COG7: variants seen among roughly 807,000 people sequenced by gnomAD.
COG7 encodes the protein conserved oligomeric Golgi complex subunit 7.
A neutral mutation model predicts 91.5 loss-of-function variants in COG7; 49 were observed. The ratio of observed to expected loss-of-function variants is 0.54; its 90% confidence interval spans 0.43 to 0.68. The LOEUF (loss-of-function observed/expected upper bound fraction) is 0.68. Ranked by LOEUF, COG7 falls within the 30% of genes least tolerant of loss-of-function variation. The pLI is 0.00. For synonymous variants in COG7, 365 were observed against 388.7 expected (o/e 0.94, Z 0.72); for missense variants, 895 against 961.3 (o/e 0.93, Z 0.91).
Position 23,445,150 on chromosome 16 carries a change from A to C in COG7, c.333T>G (p.Ile111Met). ...TSQSMQVLVE[I>M]DQVKSRMQLA... ...GTTGCATTCTGGACTTCACTTGGTC[A>C]ATTTCTACCAACACCTGAAAGAGGC... Residue 111 changes from isoleucine to methionine, a missense_variant, in exon 3 of 17, where the codon ATT becomes ATG. Physicochemically the swap from Ile to Met is conservative, Grantham distance 10. Transcript: ENST00000307149. 6.2e-7 allele frequency: 1 copy of C among 1,613,730 alleles called. No homozygotes were observed. The highest frequency in any genetic ancestry group is 8.5e-7 in the Non-Finnish European group (1 of 1,179,688).
chr16:23,434,753 G>GAAAGGCTGGTAA, intron 4 of COG7, 35 bp from the exon 5 acceptor site: 3 of 1,469,470 alleles, frequency 2.0e-6, no homozygotes, highest in Non-Finnish European at 2.9e-6. Flanking sequence ...ACTGTTACCA[G>GAAAGGCTGGTAA]CCTTTCTGGT....
chr16:23,420,373 A>G (rs901809137), intron 7 of COG7, among the ~76,000 whole-genome samples: 4 of 152,164 alleles, frequency 2.6e-5, no homozygotes, highest in African/African-American at 9.7e-5. Context: ...GGATTAGTAA[A>G]TGTAATAGCC....
intron 12 of COG7, 21 bp downstream of exon 12, chr16:23,406,055 G>T (rs1377513516): frequency 6.2e-7 from 1 of 1,606,332 alleles, no homozygotes; most frequent in African/African-American, 1.3e-5. Flanking sequence ...TTGCAAGAAT[G>T]CCATTCATTT....
intron 10 of COG7, among the ~76,000 whole-genome samples, chr16:23,411,266 T>C (rs987746377): frequency 1.3e-5 from 2 of 152,184 alleles, no homozygotes; most frequent in African/African-American, 2.4e-5. Flanking sequence ...ACCAAACTCA[T>C]AATGTCAGGA....
intron 1 of COG7, among the ~76,000 whole-genome samples, chr16:23,451,614 G>A (rs1409427878): frequency 6.6e-6 from 1 of 151,350 alleles, no homozygotes; most frequent in Non-Finnish European, 1.5e-5. Flanking sequence ...CAGTTACTTG[G>A]GAGGCTGAGG....
chr16:23,439,030 C>T (rs1031467825), intron 4 of COG7, among the ~76,000 whole-genome samples: 4 of 151,592 alleles, frequency 2.6e-5, no homozygotes, highest in Non-Finnish European at 5.9e-5. Flanking sequence ...TGGTGGTGCG[C>T]ACCTTTAATC....
chr16:23,389,502 C>A (rs1963154682), intron 16 of COG7, among the ~76,000 whole-genome samples: 1 of 152,268 alleles, frequency 6.6e-6, no homozygotes, highest in South Asian at 2.1e-4. Context: ...CAGCACCAGT[C>A]TGAAGGACCA....
intron 11 of COG7, among the ~76,000 whole-genome samples, chr16:23,408,465 G>C (rs1351871753): frequency 6.8e-6 from 1 of 147,222 alleles, no homozygotes; most frequent in East Asian, 2.0e-4. Flanking sequence ...GGGGAGGTGG[G>C]GCAGGAGGTA....
Position 23,417,109 on chromosome 16 carries a change from C to T in COG7, c.1150G>A (p.Val384Met). 6.2e-7 allele frequency: 1 copy of T among 1,614,276 alleles called. No homozygotes were observed. ...CTCAGCTCCTGCACACAGTCAATCA[C>T]TTCCCCATGCTCCTGGTCAGCAAAT... ...MSAVPLEHGE[V>M]IDCVQELSHS... Residue 384 changes from valine to methionine, a missense_variant, in exon 9 of 17, where the codon GTG becomes ATG. Coordinates refer to ENST00000307149, the MANE Select transcript of COG7 (RefSeq NM_153603.4).
At chr16:23,411,593 C>T (rs868108373) in intron 10 of COG7, among the ~76,000 whole-genome samples, 2 of 152,140 alleles carry the variant, frequency 1.3e-5, no homozygotes, top group Non-Finnish European at 2.9e-5. Flanking sequence ...TGGTTTGCTG[C>T]ACCTATCAAC....
At chr16:23,442,400 T>A in intron 4 of COG7, 77 bp downstream of exon 4, 2 of 1,289,938 alleles carry the variant, frequency 1.6e-6, no homozygotes, top group African/African-American at 2.9e-5. Context: ...CATTAAGACA[T>A]TCTAAAAACT....
Position 23,393,288 on chromosome 16 carries a change from G to A in COG7, c.1947C>T (p.Asp649=), listed in dbSNP as rs765301112. 11 of 1,614,072 alleles carry A rather than the reference G, an allele frequency of 6.8e-6. No individual in the cohort carries two copies. Among genetic ancestry groups the A allele is most frequent in the Non-Finnish European group, 7.6e-6 (9 of 1,180,048 alleles). Residue 649 remains aspartate (D), a synonymous_variant, in exon 15 of 17, where the codon GAC becomes GAT. Transcript: ENST00000307149. ...LNLEPFVTQE[D]SALELALHAG... The stretch of plus-strand genomic sequence containing the variant: ...CGTGCAATGCCAACTCTAAGGCAGA[G>A]TCCTCCTGAGTCACAAATGGCTCAA...
Position 23,425,306 on chromosome 16 carries a change from T to C in COG7, c.811-359A>G, listed in dbSNP as rs1284819582. Among the ~76,000 whole-genome samples the C allele has an allele frequency of 2.6e-5, 4 of 152,110 alleles. No individual in the cohort carries two copies. In the East Asian group the frequency reaches 5.9e-4, roughly 22 times the overall value. ...GCCTGGGTGACAGAGCGAGACTCTG[T>C]CTCAAAAAAATAAAAATTAAAATTA... is the stretch of plus-strand genomic sequence containing the variant. On this transcript the variant is annotated intron_variant, in intron 6 of 16. Coordinates refer to ENST00000307149, the MANE Select transcript of COG7 (RefSeq NM_153603.4).
intron 6 of COG7, among the ~76,000 whole-genome samples, chr16:23,425,696 T>C (rs574773580): frequency 6.6e-6 from 1 of 152,242 alleles, no homozygotes; most frequent in East Asian, 1.9e-4. Context: ...GGATCTCCCC[T>C]GATAGATGAA....
At chr16:23,389,364 TGCACACACAC>T (rs1963150634) in intron 16 of COG7, among the ~76,000 whole-genome samples, 3 of 151,694 alleles carry the variant, frequency 2.0e-5, no homozygotes, top group Non-Finnish European at 4.4e-5. Flanking sequence ...CACACTCACA[TGCACACACAC>T]GCACACACAC....
At chr16:23,446,495 A>C (rs1325016817) in intron 1 of COG7, 1 of 137,076 alleles carries the variant, frequency 7.3e-6, no homozygotes, top group Non-Finnish European at 1.4e-5. Context: ...TCTGTCACCC[A>C]GGCTGGAGTG....
intron 3 of COG7, among the ~76,000 whole-genome samples, chr16:23,444,369 T>A (rs1567348074): frequency 6.6e-6 from 1 of 151,962 alleles, no homozygotes; most frequent in Non-Finnish European, 1.5e-5. Flanking sequence ...AATGTTACTA[T>A]TTTCCACACT....
rs1451587245 is a variant in COG7, at chr16:23,396,613, A to C, written c.1887+1433T>G. On this transcript the variant is annotated intron_variant, in intron 14 of 16. Coordinates refer to ENST00000307149, the MANE Select transcript of COG7 (RefSeq NM_153603.4). ...AGAATCACTTGAATCTAGGAGGCCA[A>C]AGTTGCAGTGGGCCAAGATCGCGCC... Among the ~76,000 whole-genome samples, 4 of 152,134 alleles carry C rather than the reference A, an allele frequency of 2.6e-5. No individual in the cohort carries two copies. In the East Asian group the frequency reaches 7.7e-4, roughly 29 times the overall value.
In COG7 at chr16:23,445,807, A is replaced by G. The variant is rs761743836; in HGVS notation, c.318+6T>C. 6.2e-7 allele frequency: 1 copy of G among 1,613,914 alleles called. No homozygotes were observed. The highest frequency in any genetic ancestry group is 8.5e-7 in the Non-Finnish European group (1 of 1,179,850). The stretch of plus-strand genomic sequence containing the variant: ...TTACAACAGGAGCCAAAAGGAGCCA[A>G]AATACCTGCATGGATTGAGATGTGT... On this transcript the variant is annotated splice_donor_region_variant and intron_variant, in intron 2 of 16. Coordinates refer to ENST00000307149, the MANE Select transcript of COG7 (RefSeq NM_153603.4).
Sources: allele counts gnomAD v4.1 joint callset (sites outside exome capture counted in the v4.1 genomes callset), GRCh38; gene constraint gnomAD v4.1.1; transcripts MANE v1.5; gene names NCBI Gene and HGNC (gene_info 2026-07-23, HGNC 2026-07-21).